MGAT5: variants seen among roughly 807,000 people sequenced by gnomAD.
The protein encoded by MGAT5 is alpha-1,6-mannosylglycoprotein 6-beta-N-acetylglucosaminyltransferase A.
In MGAT5, 30 loss-of-function variants were observed where a neutral mutation model predicts 94.3. That is an observed-to-expected ratio of 0.32 (90% CI 0.24 to 0.43). The LOEUF is 0.43. Among genes scored for constraint, MGAT5 ranks in the 20% least tolerant of loss-of-function variants. MGAT5 has a pLI of 1.00. For missense variants in MGAT5, 691 were observed against 905.5 expected (o/e 0.76, Z 3.04); for synonymous variants, 310 against 322.9 (o/e 0.96, Z 0.43).
At chr2:134,160,821 G>T (rs1412917782) in intron 1 of MGAT5, among the ~76,000 whole-genome samples, 2 of 152,246 alleles carry the variant, frequency 1.3e-5, no homozygotes. Flanking sequence ...GCCCCTGAAA[G>T]GGGTTGTGGG....
intron 7 of MGAT5, among the ~76,000 whole-genome samples, chr2:134,344,612 A>G (rs1688817715): frequency 6.6e-6 from 1 of 152,084 alleles, no homozygotes; most frequent in South Asian, 2.1e-4. Flanking sequence ...GAGCAAAGAG[A>G]TTGAGAGAGG....
At chr2:134,177,655 T>TGGGCATGATGATGGTC (rs1688543688) in intron 1 of MGAT5, among the ~76,000 whole-genome samples, 1 of 152,226 alleles carries the variant, frequency 6.6e-6, no homozygotes, top group Non-Finnish European at 1.5e-5. Context: ...CTATTACGCC[T>TGGGCATGATGATGGTC]GGGCATGATG....
chr2:134,342,881 A>G (rs1292860699), intron 7 of MGAT5, among the ~76,000 whole-genome samples: 1 of 152,160 alleles, frequency 6.6e-6, no homozygotes, highest in Non-Finnish European at 1.5e-5. Flanking sequence ...TTTGATAATT[A>G]CAACTAATAT....
intron 4 of MGAT5, among the ~76,000 whole-genome samples, chr2:134,333,659 G>A (rs1297685574): frequency 3.3e-5 from 5 of 152,074 alleles, no homozygotes; most frequent in African/African-American, 1.2e-4. Flanking sequence ...ATCCTCTACT[G>A]GTGGGTTAAG....
intron 2 of MGAT5, among the ~76,000 whole-genome samples, chr2:134,281,759 AG>A (rs1684710625): frequency 6.6e-6 from 1 of 152,248 alleles, no homozygotes; most frequent in African/African-American, 2.4e-5. Flanking sequence ...TCAGCTCTCA[AG>A]GGAAGACAGT....
chr2:134,383,679 C>A (rs143077278), intron 10 of MGAT5, among the ~76,000 whole-genome samples: 2 of 151,932 alleles, frequency 1.3e-5, no homozygotes, highest in African/African-American at 4.8e-5. Flanking sequence ...ATACCTGTCA[C>A]CTGTTTTTGT....
At chr2:134,318,571 C>G (rs1687137569) in intron 3 of MGAT5, 79 bp from the exon 4 acceptor site, 2 of 1,046,356 alleles carry the variant, frequency 1.9e-6, no homozygotes, top group Non-Finnish European at 3.0e-6. Flanking sequence ...CCATCTTCAC[C>G]ATTCTATCCT....
chr2:134,329,352 G>A lies in MGAT5; in HGVS notation c.574-6865G>A, dbSNP rs112889184. Among the ~76,000 whole-genome samples the A allele has an allele frequency of 5.7e-3, 865 of 152,194 alleles. 11 individuals are homozygous for A. Among genetic ancestry groups the A allele is most frequent in the African/African-American group, 0.019 (804 of 41,544 alleles). ...GTGTAGAATGTGATCCAATTTTGGC[G>A]TTTCGTTTGCTCTTGCTACATAGAA... On this transcript the variant is annotated intron_variant, in intron 4 of 15. Coordinates refer to ENST00000281923, the MANE Select transcript of MGAT5 (RefSeq NM_002410.5).
At chr2:134,331,130 G>C (rs907937045) in intron 4 of MGAT5, among the ~76,000 whole-genome samples, 1 of 152,044 alleles carries the variant, frequency 6.6e-6, no homozygotes, top group African/African-American at 2.4e-5. Flanking sequence ...TAGACTTCTA[G>C]GGACTCAGAG....
intron 1 of MGAT5, among the ~76,000 whole-genome samples, chr2:134,133,235 C>A (rs192118476): frequency 6.6e-6 from 1 of 152,196 alleles, no homozygotes; most frequent in African/African-American, 2.4e-5. Flanking sequence ...GACATTAAAT[C>A]ATGGACTTCT....
rs549150950 is a variant in MGAT5 at position 134,294,744 on chromosome 2, A to G, written c.407-22785A>G. Among the ~76,000 whole-genome samples, 104 of 152,340 alleles carry G rather than the reference A, an allele frequency of 6.8e-4. 2 individuals are homozygous for G. The South Asian group carries it at 0.021, about 31-fold the overall frequency. ...AATTTAGCCTAAATATTTGCTTATA[A>G]GTATGTTTATACTGGTCCAAGCAAG... is the stretch of plus-strand genomic sequence containing the variant. On this transcript the variant is annotated intron_variant, in intron 2 of 15. Coordinates refer to ENST00000281923, the MANE Select transcript of MGAT5 (RefSeq NM_002410.5).
intron 2 of MGAT5, among the ~76,000 whole-genome samples, chr2:134,311,705 A>G (rs1686674938): frequency 6.6e-6 from 1 of 151,978 alleles, no homozygotes; most frequent in Non-Finnish European, 1.5e-5. Flanking sequence ...TTTTGTAACC[A>G]TATTTCCAGA....
intron 10 of MGAT5, among the ~76,000 whole-genome samples, chr2:134,364,390 C>T (rs902999357): frequency 1.5e-4 from 23 of 152,118 alleles, no homozygotes; most frequent in Admixed American, 1.2e-3. Flanking sequence ...ATCCAAGCTA[C>T]TTGGGAGGCT....
At chr2:134,130,196 G>A (rs1686066473) in intron 1 of MGAT5, among the ~76,000 whole-genome samples, 2 of 94,432 alleles carry the variant, frequency 2.1e-5, no homozygotes, top group African/African-American at 7.7e-5. Flanking sequence ...CGCCATGCTG[G>A]AGCCCGCCCC....
intron 11 of MGAT5, among the ~76,000 whole-genome samples, chr2:134,409,376 A>G (rs924296921): frequency 2.6e-5 from 4 of 152,260 alleles, no homozygotes; most frequent in African/African-American, 7.2e-5. Flanking sequence ...ATGGGCCTTA[A>G]CTAATCCATA....
intron 1 of MGAT5, among the ~76,000 whole-genome samples, chr2:134,175,039 A>G (rs2176677): frequency 0.16 from 24,441 of 152,160 alleles, 2,234 homozygotes; most frequent in South Asian, 0.22. Flanking sequence ...CTCCTGGCCC[A>G]TGGGCAGGGT....
rs553201579 is a variant in MGAT5, at chr2:134,244,297, C to T, written c.-142-9965C>T. On this transcript the variant is annotated intron_variant, in intron 1 of 16. Transcript: ENST00000409645. Reference sequence around the variant, plus strand: ...GCCGGATGCCAGGTGACAATCCTAGCGTTTTTTGTTTTTTTTTTTAATGGC... The same window carrying T: ...GCCGGATGCCAGGTGACAATCCTAGTGTTTTTTGTTTTTTTTTTTAATGGC... Among the ~76,000 whole-genome samples the T allele has an allele frequency of 4.0e-5, 6 of 149,448 alleles. No individual in the cohort carries two copies. The South Asian group carries it at 1.0e-3, about 26-fold the overall frequency.
chr2:134,221,761 C>A (rs1005975395), intron 1 of MGAT5, among the ~76,000 whole-genome samples: 4 of 152,134 alleles, frequency 2.6e-5, no homozygotes, highest in Admixed American at 1.3e-4. Context: ...TGGTGAGAAT[C>A]TAGGCCCAGG....
At chr2:134,129,649 CTGCTAAGGCCAGA>C (rs963581530) in intron 1 of MGAT5, among the ~76,000 whole-genome samples, 2 of 151,086 alleles carry the variant, frequency 1.3e-5, no homozygotes, top group Non-Finnish European at 2.9e-5. Context: ...GGTTTGAGGT[CTGCTAAGGCCAGA>C]TGTTGAGCTG....
Sources: allele counts gnomAD v4.1 joint callset (sites outside exome capture counted in the v4.1 genomes callset), GRCh38; gene constraint gnomAD v4.1.1; transcripts MANE v1.5; gene names NCBI Gene and HGNC (gene_info 2026-07-23, HGNC 2026-07-21).